MAST4: variants seen among roughly 807,000 people sequenced by gnomAD.
MAST4 encodes microtubule associated serine/threonine kinase family member 4.
Under a neutral mutation model 162.7 loss-of-function variants are expected in MAST4, and 89 were observed. That is an observed-to-expected ratio of 0.55 (90% confidence interval 0.46 to 0.65). The LOEUF (loss-of-function observed/expected upper bound fraction) is 0.65, where lower values mean the gene tolerates loss of function less well. Ranked by LOEUF, MAST4 falls within the 30% of genes least tolerant of loss-of-function variation. The probability of loss-of-function intolerance (pLI) is 0.00; values close to 1 mark genes in which losing one functional copy is unlikely to be tolerated. For synonymous variants in MAST4, 1,479 were observed against 1,361.1 expected (o/e 1.09, Z -1.91); for missense variants, 3,153 against 3,374.0 (o/e 0.93, Z 1.62).
intron 1 of MAST4, among the ~76,000 whole-genome samples, chr5:66,644,649 C>G (rs1745704885): frequency 6.6e-6 from 1 of 151,908 alleles, no homozygotes; most frequent in Non-Finnish European, 1.5e-5. Flanking sequence ...CAAACTGACA[C>G]TATACAGTCT....
At chr5:67,095,496 A>C in intron 6 of MAST4, 101 bp from the exon 7 acceptor site, 1 of 817,554 alleles carries the variant, frequency 1.2e-6, no homozygotes, top group South Asian at 2.0e-5. Context: ...CTCACAGACT[A>C]TGTTTGTGTC....
At chr5:66,866,170 A>T (rs408903) in intron 3 of MAST4, among the ~76,000 whole-genome samples, 1 of 151,240 alleles carries the variant, frequency 6.6e-6, no homozygotes, top group Non-Finnish European at 1.5e-5. Context: ...AAATATGAAC[A>T]TTAGGGTGAA....
chr5:66,754,128 A>G (rs927938712), intron 1 of MAST4, among the ~76,000 whole-genome samples: 3 of 151,798 alleles, frequency 2.0e-5, no homozygotes, highest in Middle Eastern at 3.4e-3. Flanking sequence ...CGCTCAATAA[A>G]TTAGGTACTG....
chr5:67,128,904 T>C (rs943979476), intron 14 of MAST4, among the ~76,000 whole-genome samples: 1 of 152,174 alleles, frequency 6.6e-6, no homozygotes, highest in African/African-American at 2.4e-5. Context: ...TGTTCCCCCA[T>C]GATATTGACA....
At chr5:67,121,632 G>A (rs1027589558) in intron 14 of MAST4, among the ~76,000 whole-genome samples, 7 of 150,686 alleles carry the variant, frequency 4.6e-5, no homozygotes, top group Admixed American at 6.6e-5. Flanking sequence ...GAACTGTCTC[G>A]GGCCACACAT....
intron 24 of MAST4, 143 bp from the exon 25 acceptor site, chr5:67,152,494 T>C (rs79955567): frequency 0.032 from 20,769 of 658,238 alleles, 904 homozygotes; most frequent in East Asian, 0.17. Flanking sequence ...TTGTATTATT[T>C]CATCTTCATT....
Position 67,152,648 on chromosome 5 carries a change from G to A in MAST4, c.3307G>A (p.Val1103Ile). Residue 1103 changes from valine to isoleucine, a missense_variant, in exon 25 of 29, where the codon GTT (valine) becomes ATT (isoleucine). Around this residue, in one of 7 missense-constraint regions of MAST4, gnomAD observed 619 missense variants for 744.2 expected, o/e 0.83. Transcript: ENST00000403625. The part of the protein sequence containing the change: ...SLMIPGDMFA[V>I]SPLGSPMSPH... ...CTTCTTTGTTACAGATATGTTTGCT[G>A]TTTCCCCTCTGGGAAGTCCAATGTC... 3 of 1,613,934 alleles carry A rather than the reference G, an allele frequency of 1.9e-6. No homozygotes were observed. Among genetic ancestry groups the A allele is most frequent in the Middle Eastern group, 3.3e-4 (2 of 6,062 alleles).
At chr5:66,799,680 A>C (rs1290996190) in intron 3 of MAST4, among the ~76,000 whole-genome samples, 9 of 152,202 alleles carry the variant, frequency 5.9e-5, no homozygotes, top group Admixed American at 5.9e-4. Flanking sequence ...CCCATTGTCC[A>C]GAGGGATCAT....
intron 3 of MAST4, among the ~76,000 whole-genome samples, chr5:66,842,218 T>A (rs1372177682): frequency 6.6e-6 from 1 of 152,212 alleles, no homozygotes. Context: ...AAATGCAAAT[T>A]AGTAGAGATT....
intron 10 of MAST4, 120 bp downstream of exon 10, chr5:67,104,695 A>AG (rs1765399306): frequency 1.6e-6 from 1 of 638,742 alleles, no homozygotes; most frequent in Non-Finnish European, 2.6e-6. Context: ...GCAAAAAAGA[A>AG]GGAAAAAAAA....
chr5:67,013,122 G>T (rs945695701), intron 4 of MAST4, among the ~76,000 whole-genome samples: 5 of 152,048 alleles, frequency 3.3e-5, no homozygotes, highest in Non-Finnish European at 5.9e-5. Context: ...TCAGAGTTTG[G>T]GGGCTCTTAG....
At chr5:66,614,759 G>C (rs952595934) in intron 1 of MAST4, among the ~76,000 whole-genome samples, 4 of 152,316 alleles carry the variant, frequency 2.6e-5, no homozygotes, top group Admixed American at 6.5e-5. Flanking sequence ...GGGGCTGCCA[G>C]AATGCAGGTT....
At chr5:66,640,291 A>C (rs1294288172) in intron 1 of MAST4, among the ~76,000 whole-genome samples, 1 of 150,790 alleles carries the variant, frequency 6.6e-6, no homozygotes, top group Non-Finnish European at 1.5e-5. Flanking sequence ...AGATAGATGG[A>C]TATCTCACAA....
chr5:66,744,254 G>A (rs1213688311), intron 1 of MAST4, among the ~76,000 whole-genome samples: 1 of 152,030 alleles, frequency 6.6e-6, no homozygotes, highest in East Asian at 1.9e-4. Flanking sequence ...ACCACGTGGG[G>A]CCCCTGGGCT....
Position 67,165,974 on chromosome 5 carries a change from C to T in MAST4, c.6795C>T (p.Gly2265=), listed in dbSNP as rs1242555676. The T allele has an allele frequency of 6.2e-7, 1 of 1,613,448 alleles. No individual in the cohort carries two copies. The highest frequency in any genetic ancestry group is 1.1e-5 in the South Asian group (1 of 91,072). The change falls in exon 29 of 29, where the codon GGC becomes GGT. Residue 2265 remains glycine (G), a synonymous_variant. Transcript: ENST00000403625. ...GSQNKASDGI[G]QGEGGPSVPL... ...AGAACAAAGCCAGCGATGGGATTGG[C>T]CAGGGAGAAGGTGGGCCCTCTGTCC...
rs1332851419 is a variant in MAST4, at chr5:66,905,139, C to T, written c.674+5157C>T. Among the ~76,000 whole-genome samples the T allele has an allele frequency of 2.0e-5, 3 of 151,958 alleles. No homozygotes were observed. In the East Asian group the frequency reaches 5.8e-4, roughly 29 times the overall value. On this transcript the variant is annotated intron_variant, in intron 4 of 28. Transcript: ENST00000403625. Reference sequence around the variant, plus strand: ...CAGCCAACATGGTAAAACCCCATGTCTACTGAAAAATACAAAAATTAACCA... The same window carrying T: ...CAGCCAACATGGTAAAACCCCATGTTTACTGAAAAATACAAAAATTAACCA...
In MAST4 at chr5:67,118,674, C is replaced by A; in HGVS notation, c.1592-8C>A. The A allele has an allele frequency of 6.6e-7, 1 of 1,524,038 alleles. No homozygotes were observed. Among genetic ancestry groups the A allele is most frequent in the Non-Finnish European group, 8.9e-7 (1 of 1,128,352 alleles). 94.4% of individuals were successfully genotyped at this position (1,524,038 alleles called of 1,614,324 possible). On this transcript the variant is annotated splice_polypyrimidine_tract_variant and splice_region_variant and intron_variant, in intron 12 of 28. Transcript: ENST00000403625. ...TATTAAGCTTAACTTTTTTTTTTTC[C>A]AACTTAGAAATGGCTCATTTGGGAA...
At chr5:66,639,061 T>C (rs1016347240) in intron 1 of MAST4, among the ~76,000 whole-genome samples, 2 of 152,112 alleles carry the variant, frequency 1.3e-5, no homozygotes, top group Admixed American at 6.5e-5. Context: ...TTTAATGGCA[T>C]AGGAATTGAT....
intron 3 of MAST4, among the ~76,000 whole-genome samples, chr5:66,870,151 T>A (rs1760822071): frequency 1.3e-5 from 2 of 152,218 alleles, no homozygotes; most frequent in Admixed American, 1.3e-4. Context: ...GAGAGACCAC[T>A]CTTTTACATA....
Sources: allele counts gnomAD v4.1 joint callset (sites outside exome capture counted in the v4.1 genomes callset), GRCh38; gene constraint gnomAD v4.1.1; regional missense constraint gnomAD v4.1.1; transcripts MANE v1.5; gene names NCBI Gene and HGNC (gene_info 2026-07-23, HGNC 2026-07-21).